ADGB: variants seen among roughly 807,000 people sequenced by gnomAD.
ADGB encodes androglobin, also known as calpain-7-like protein.
In ADGB, 172 loss-of-function variants were observed where a neutral mutation model predicts 210.5. The ratio of observed to expected loss-of-function variants is 0.82; its 90% CI spans 0.72 to 0.93. ADGB has a LOEUF of 0.93. ADGB is among the 40% of genes least tolerant of loss of function. The probability of loss-of-function intolerance (pLI) is 0.00; values close to 1 mark genes in which losing one functional copy is unlikely to be tolerated. For synonymous variants in ADGB, 658 were observed against 662.7 expected, an observed-to-expected ratio of 0.99 and a Z score of 0.11; for missense variants, 2,025 against 1,964.8, an observed-to-expected ratio of 1.03 and a Z score of -0.58.
At chr6:146,759,784 CTGATTGACAGAGTTATA>C (rs1207268799) in intron 27 of ADGB, among the ~76,000 whole-genome samples, 1 of 151,724 alleles carries the variant, frequency 6.6e-6, no homozygotes, top group Non-Finnish European at 1.5e-5. Flanking sequence ...CCATGCTCCC[CTGATTGACAGAGTTATA>C]TTTCTTGACT....
chr6:146,638,852 A>G (rs1240749877), intron 2 of ADGB: 1 of 149,724 alleles, frequency 6.7e-6, no homozygotes, highest in African/African-American at 2.4e-5. Context: ...AATAATTTTC[A>G]TCATGTGATA....
chr6:146,699,146 A>G (rs1776452135), intron 12 of ADGB, among the ~76,000 whole-genome samples: 1 of 152,166 alleles, frequency 6.6e-6, no homozygotes, highest in Non-Finnish European at 1.5e-5. Context: ...AGATAAAGAT[A>G]CAAATATAGA....
At position 146,656,107 on chromosome 6, in the gene ADGB, G is replaced by A. The variant is rs1230166361; in HGVS notation, c.403-664G>A. 2.6e-5 allele frequency among the ~76,000 whole-genome samples: 4 copies of A among 152,198 alleles called. No individual in the cohort carries two copies. In the East Asian group the frequency reaches 5.8e-4, roughly 22 times the overall value. On this transcript the variant is annotated intron_variant, in intron 4 of 35. Transcript: ENST00000397944. ...AGAACTGCAACTTAGAGAGGTGGAA[G>A]CAACTTTCCCAGCAGCAGAAGGCTG...
At chr6:146,681,456 G>A (rs1231582113) in intron 9 of ADGB, among the ~76,000 whole-genome samples, 1 of 152,044 alleles carries the variant, frequency 6.6e-6, no homozygotes, top group Non-Finnish European at 1.5e-5. Context: ...TCCAGTCTCA[G>A]GTATCTCTTT....
chr6:146,744,865 T>C (rs959608290), intron 25 of ADGB, among the ~76,000 whole-genome samples: 5 of 152,216 alleles, frequency 3.3e-5, no homozygotes, highest in Admixed American at 3.3e-4. Flanking sequence ...TTATAATCAT[T>C]CTGAGTCTGA....
rs571434193 is a variant in ADGB, at chr6:146,616,098, C to T, written c.74+16984C>T. 3.9e-5 allele frequency among the ~76,000 whole-genome samples: 6 copies of T among 151,978 alleles called. No homozygotes were observed. In the South Asian group the frequency reaches 1.3e-3, roughly 32 times the overall value. On this transcript the variant is annotated intron_variant, in intron 1 of 35. Coordinates refer to ENST00000397944, the MANE Select transcript of ADGB (RefSeq NM_024694.4). ...TTGTTATTTTTTGTCTTTTTGATAA[C>T]AGTCATTTTTAACTGAGGGTGTAAT...
At chr6:146,797,440 C>T (rs2114660742) in intron 33 of ADGB, among the ~76,000 whole-genome samples, 1 of 152,106 alleles carries the variant, frequency 6.6e-6, no homozygotes, top group African/African-American at 2.4e-5. Context: ...AAATACAGAA[C>T]CAGTCCATCA....
chr6:146,811,917 G>T (rs189985858), intron 35 of ADGB, among the ~76,000 whole-genome samples: 25 of 152,062 alleles, frequency 1.6e-4, no homozygotes, highest in African/African-American at 3.1e-4. Context: ...CTCATGATCC[G>T]CCTGCCTTGG....
intron 35 of ADGB, among the ~76,000 whole-genome samples, chr6:146,807,992 G>GTTTTTTGT (rs1778237831): frequency 9.7e-6 from 1 of 103,162 alleles, no homozygotes; most frequent in Non-Finnish European, 1.8e-5. Flanking sequence ...CTATGCTTCA[G>GTTTTTTGT]TTTTTTTTTT....
In ADGB at chr6:146,691,476, A is replaced by AT. The variant is rs1562275654; in HGVS notation, c.1486+186_1486+187insT. Among the ~76,000 whole-genome samples the AT allele has an allele frequency of 3.6e-4, 13 of 35,712 alleles. 1 individual carries two copies. Among genetic ancestry groups the AT allele is most frequent in the African/African-American group, 3.0e-3 (9 of 2,974 alleles). 23.4% of individuals were successfully genotyped at this position (35,712 alleles called of 152,430 possible). On this transcript the variant is annotated intron_variant, in intron 11 of 35. Transcript: ENST00000397944. Reference sequence around the variant, plus strand: ...TATATATAAAAATATATATATATATAAATATATATATATATATATATATAT... The same window carrying AT: ...TATATATAAAAATATATATATATATATAATATATATATATATATATATATAT...
Position 146,815,127 on chromosome 6 carries a change from G to C in ADGB, c.4914G>C (p.Leu1638=), listed in dbSNP as rs3192862. The C allele has an allele frequency of 9.0e-6, 14 of 1,547,934 alleles. No homozygotes were observed. The highest frequency in any genetic ancestry group is 1.1e-5 in the Non-Finnish European group (13 of 1,146,092). Residue 1638 remains leucine, a synonymous_variant, in exon 36 of 36, where the codon CTG becomes CTC. Coordinates refer to ENST00000397944, the MANE Select transcript of ADGB (RefSeq NM_024694.4). ...CTGAGCACCTAAAGCTGGAAACTCTGGCTGCTCAGGAAGCAGCCATGAAGC... is the reference window on the plus strand; with the variant it reads ...CTGAGCACCTAAAGCTGGAAACTCTCGCTGCTCAGGAAGCAGCCATGAAGC... The part of the protein sequence containing the change: ...LEAEHLKLET[L]AAQEAAMKLE...
intron 33 of ADGB, among the ~76,000 whole-genome samples, chr6:146,791,652 A>T (rs1223198530): frequency 6.6e-6 from 1 of 152,048 alleles, no homozygotes; most frequent in Non-Finnish European, 1.5e-5. Context: ...GCTGATTCTT[A>T]TATAAGGGTC....
chr6:146,621,764 G>T (rs192412442), intron 1 of ADGB, among the ~76,000 whole-genome samples: 9 of 152,142 alleles, frequency 5.9e-5, no homozygotes, highest in Middle Eastern at 3.4e-3. Flanking sequence ...AATATTCACT[G>T]TCCATTGAAT....
At chr6:146,731,553 A>G (rs770218426) in intron 20 of ADGB, among the ~76,000 whole-genome samples, 1 of 152,056 alleles carries the variant, frequency 6.6e-6, no homozygotes, top group Non-Finnish European at 1.5e-5. Flanking sequence ...TAGCCAAGCC[A>G]TGGTTGCTGC....
At chr6:146,620,596 G>A (rs1283124542) in intron 1 of ADGB, among the ~76,000 whole-genome samples, 1 of 151,546 alleles carries the variant, frequency 6.6e-6, no homozygotes, top group Non-Finnish European at 1.5e-5. Flanking sequence ...TTTTTTTCAG[G>A]TCAGTTATTT....
chr6:146,733,877 G>T lies in ADGB; in HGVS notation c.2657-16G>T. 1.3e-6 allele frequency: 2 copies of T among 1,551,248 alleles called. No homozygotes were observed. Among genetic ancestry groups the T allele is most frequent in the Non-Finnish European group, 1.7e-6 (2 of 1,146,800 alleles). On this transcript the variant is annotated splice_polypyrimidine_tract_variant and intron_variant, in intron 21 of 35. Transcript: ENST00000397944. ...AAATATAACTTTCAGTCCAAAGTTT[G>T]TTTTTCCCTTTCCAGTGGAATGGCT...
At chr6:146,702,685 A>T (rs1239565736) in intron 13 of ADGB, among the ~76,000 whole-genome samples, 1 of 151,950 alleles carries the variant, frequency 6.6e-6, no homozygotes, top group Non-Finnish European at 1.5e-5. Context: ...CTACACCTAA[A>T]GAGTATCTTC....
At chr6:146,636,770 C>T (rs1303818155) in intron 2 of ADGB, among the ~76,000 whole-genome samples, 3 of 151,930 alleles carry the variant, frequency 2.0e-5, no homozygotes, top group Admixed American at 6.6e-5. Flanking sequence ...GCCTTGTGAT[C>T]GCATCTGCAT....
intron 3 of ADGB, among the ~76,000 whole-genome samples, chr6:146,651,892 C>T (rs1775708649): frequency 6.6e-6 from 1 of 152,126 alleles, no homozygotes. Context: ...TGAAGCTAAG[C>T]TACTCGATTA....
Sources: gnomAD v4.1 joint callset for allele counts (sites outside exome capture counted in the v4.1 genomes callset) on GRCh38, gnomAD v4.1.1 for gene constraint, MANE v1.5 for transcripts, NCBI Gene and HGNC (gene_info 2026-07-23, HGNC 2026-07-21) for gene names.